Variants in PIEZO2 observed in about 807,000 individuals in gnomAD.
PIEZO2 encodes piezo-type mechanosensitive ion channel component 2.
PIEZO2 carries 172 observed loss-of-function variants against 337.3 expected under a neutral mutation model. The ratio of observed to expected loss-of-function variants is 0.51; its 90% CI spans 0.45 to 0.58. The LOEUF is 0.58. Among genes scored for constraint, PIEZO2 ranks in the 20% least tolerant of loss-of-function variants. PIEZO2 has a pLI of 0.00. For missense variants in PIEZO2, 3,028 were observed against 3,391.3 expected (o/e 0.89, Z 2.66); for synonymous variants, 1,251 against 1,228.5 (o/e 1.02, Z -0.38).
At position 11,131,353 on chromosome 18, in the gene PIEZO2, A is replaced by C. The variant is rs988668980; in HGVS notation, c.64+17172T>G. ...AGTGGCTCGAATGCCTATCATCTCC[A>C]CCCCTGCTACCCTGTCTTCTCTCCC... On this transcript the variant is annotated intron_variant, in intron 1 of 55. Coordinates refer to ENST00000674853, the MANE Select transcript of PIEZO2 (RefSeq NM_001378183.1). This position sits in a 1 kb window ranked among gnomAD's most constrained non-coding sequence, Gnocchi z 5.3. Among the ~76,000 whole-genome samples the C allele has an allele frequency of 6.6e-6, 1 of 151,756 alleles. No homozygotes were observed. The highest frequency in any genetic ancestry group is 1.5e-5 in the Non-Finnish European group (1 of 67,968).
At chr18:11,004,043 G>A (rs1049663106) in intron 2 of PIEZO2, among the ~76,000 whole-genome samples, 2 of 152,194 alleles carry the variant, frequency 1.3e-5, no homozygotes, top group African/African-American at 4.8e-5. Flanking sequence ...AGAAGGGGTA[G>A]GGAGTAAGTG....
chr18:10,867,205 A>T (rs900436262), intron 5 of PIEZO2, among the ~76,000 whole-genome samples: 8 of 152,222 alleles, frequency 5.3e-5, no homozygotes, highest in Admixed American at 4.6e-4. Flanking sequence ...AAAGCTGGAG[A>T]CTTTAGACTA....
intron 3 of PIEZO2, among the ~76,000 whole-genome samples, chr18:10,921,178 A>T (rs2031371800): frequency 6.6e-6 from 1 of 152,154 alleles, no homozygotes; most frequent in Non-Finnish European, 1.5e-5. Context: ...GAAGATGGTG[A>T]TGTGTATCAA....
chr18:10,735,619 A>T (rs896562173), intron 34 of PIEZO2, among the ~76,000 whole-genome samples: 4 of 152,216 alleles, frequency 2.6e-5, no homozygotes, highest in Non-Finnish European at 1.5e-5. Context: ...AAATGAGTTA[A>T]GTCATTAGTA....
rs1243144413 is a variant in PIEZO2, at chr18:10,767,940, C to T, written c.2946+2208G>A. Among the ~76,000 whole-genome samples, 1 of 152,216 alleles carries T rather than the reference C, an allele frequency of 6.6e-6. No individual in the cohort carries two copies. The highest frequency in any genetic ancestry group is 6.5e-5 in the Admixed American group (1 of 15,286). On this transcript the variant is annotated intron_variant, in intron 21 of 55. Transcript: ENST00000674853. This position sits in a 1 kb window ranked among gnomAD's most constrained non-coding sequence, Gnocchi z 4.2. Reference sequence around the variant, plus strand: ...TTGCCAGCCCAGAGCGTGAGGCCATCATGGGATGGCACAGGCCAAGTCACA... The same window carrying T: ...TTGCCAGCCCAGAGCGTGAGGCCATTATGGGATGGCACAGGCCAAGTCACA...
intron 4 of PIEZO2, among the ~76,000 whole-genome samples, chr18:10,880,866 T>C (rs1434492325): frequency 4.5e-4 from 22 of 48,372 alleles, no homozygotes; most frequent in African/African-American, 1.8e-3. Context: ...TATATATATA[T>C]ATATATATAT....
chr18:10,780,144 T>C (rs1338521013), intron 18 of PIEZO2, among the ~76,000 whole-genome samples, 181 bp downstream of exon 18: 6 of 152,198 alleles, frequency 3.9e-5, no homozygotes, highest in African/African-American at 1.2e-4. Flanking sequence ...CACATCCACT[T>C]GACGGCACCA....
At chr18:10,700,800 C>T (rs544373440) in intron 43 of PIEZO2, among the ~76,000 whole-genome samples, 14 of 152,228 alleles carry the variant, frequency 9.2e-5, no homozygotes, top group Non-Finnish European at 1.9e-4. Context: ...TTAACATATC[C>T]AACAGAAGAA....
In PIEZO2 at chr18:10,783,504, A is replaced by G. The variant is rs1447518579; in HGVS notation, c.2492+1280T>C. On this transcript the variant is annotated intron_variant, in intron 17 of 55. Transcript: ENST00000674853. The surrounding 1 kb of genome is among the most constrained non-coding windows in gnomAD (Gnocchi z 4.3). ...GACTGATATCTTCTAGGGTTCCCCAAACTTCTAATAACTACTTTATTTTTC... is the reference window on the plus strand; with the variant it reads ...GACTGATATCTTCTAGGGTTCCCCAGACTTCTAATAACTACTTTATTTTTC... Among the ~76,000 whole-genome samples, 6 of 152,182 alleles carry G rather than the reference A, an allele frequency of 3.9e-5. No individual in the cohort carries two copies.
At chr18:10,832,101 C>A (rs1449803281) in intron 7 of PIEZO2, among the ~76,000 whole-genome samples, 1 of 152,100 alleles carries the variant, frequency 6.6e-6, no homozygotes, top group East Asian at 1.9e-4. Flanking sequence ...AGTTCAAGAC[C>A]AGCCTGGCCA....
chr18:11,141,678 C>T (rs535944134), intron 1 of PIEZO2, among the ~76,000 whole-genome samples: 1 of 152,340 alleles, frequency 6.6e-6, no homozygotes, highest in Admixed American at 6.5e-5. Flanking sequence ...GGCTTGTTCA[C>T]TTGACCTAGA....
chr18:10,735,785 C>T (rs2036972226), intron 34 of PIEZO2, among the ~76,000 whole-genome samples: 1 of 152,138 alleles, frequency 6.6e-6, no homozygotes, highest in South Asian at 2.1e-4. Flanking sequence ...TGGGCCCCAC[C>T]CACTTGAGAA....
At position 11,032,482 on chromosome 18, in the gene PIEZO2, T is replaced by C. The variant is rs1267993041; in HGVS notation, c.160+33645A>G. ...GAGCTATTCTTGGCATGCTCTCGAG[T>C]AAGTGTAAATGTGTTAGCCAGTCTG... On this transcript the variant is annotated intron_variant, in intron 2 of 55. Coordinates refer to ENST00000674853, the MANE Select transcript of PIEZO2 (RefSeq NM_001378183.1). The surrounding 1 kb of genome is among the most constrained non-coding windows in gnomAD (Gnocchi z 4.9). 6.6e-6 allele frequency among the ~76,000 whole-genome samples: 1 copy of C among 152,160 alleles called. No homozygotes were observed. Among genetic ancestry groups the C allele is most frequent in the Non-Finnish European group, 1.5e-5 (1 of 68,024 alleles).
rs1014290520 is a variant in PIEZO2 at position 11,112,202 on chromosome 18, T to C, written c.64+36323A>G. ...TAAGTAATCCTCTAGGTATTTTGTATCTACAGGATCAGATATTCGGATATT... is the reference window on the plus strand; with the variant it reads ...TAAGTAATCCTCTAGGTATTTTGTACCTACAGGATCAGATATTCGGATATT... On this transcript the variant is annotated intron_variant, in intron 1 of 55. Transcript: ENST00000674853. This position sits in a 1 kb window ranked among gnomAD's most constrained non-coding sequence, Gnocchi z 4.3. Among the ~76,000 whole-genome samples, 1 of 152,240 alleles carries C rather than the reference T, an allele frequency of 6.6e-6. No homozygotes were observed. Among genetic ancestry groups the C allele is most frequent in the African/African-American group, 2.4e-5 (1 of 41,464 alleles).
In PIEZO2 at chr18:10,767,759, G is replaced by T. The variant is rs2038425760; in HGVS notation, c.2946+2389C>A. On this transcript the variant is annotated intron_variant, in intron 21 of 55. Coordinates refer to ENST00000674853, the MANE Select transcript of PIEZO2 (RefSeq NM_001378183.1). The surrounding 1 kb of genome is among the most constrained non-coding windows in gnomAD (Gnocchi z 4.2). ...CACCCAGAGCTGCTCCAAGGCTGCG[G>T]GGAAGGCTGTCTGGAAGGGCAGCAG... 6.6e-6 allele frequency among the ~76,000 whole-genome samples: 1 copy of T among 152,210 alleles called. No individual in the cohort carries two copies. The highest frequency in any genetic ancestry group is 6.5e-5 in the Admixed American group (1 of 15,290).
Position 11,045,079 on chromosome 18 carries a change from A to G in PIEZO2, c.160+21048T>C, listed in dbSNP as rs1201674371. Among the ~76,000 whole-genome samples the G allele has an allele frequency of 2.6e-5, 4 of 151,960 alleles. No individual in the cohort carries two copies. The East Asian group carries it at 7.8e-4, about 29-fold the overall frequency. On this transcript the variant is annotated intron_variant, in intron 2 of 55. Coordinates refer to ENST00000674853, the MANE Select transcript of PIEZO2 (RefSeq NM_001378183.1). ...GGGAGGCCAAAGTGGGCGGATCACG[A>G]GGTCAGGAGATTGAGACCATCCTGG...
intron 36 of PIEZO2, among the ~76,000 whole-genome samples, chr18:10,730,875 C>T (rs1438159107): frequency 2.6e-5 from 4 of 152,018 alleles, no homozygotes; most frequent in African/African-American, 7.2e-5. Flanking sequence ...TACAGGCGTC[C>T]GCTACCACGC....
At chr18:10,908,871 T>C (rs2030199286) in intron 4 of PIEZO2, 1 of 152,178 alleles carries the variant, frequency 6.6e-6, no homozygotes, top group African/African-American at 2.4e-5. Flanking sequence ...TGCGGGATGC[T>C]GCGTGGCTGA....
intron 2 of PIEZO2, among the ~76,000 whole-genome samples, chr18:10,983,716 C>T (rs892334634): frequency 4.6e-5 from 7 of 152,066 alleles, no homozygotes; most frequent in African/African-American, 1.7e-4. Context: ...TTCCCCAGCA[C>T]CCTGTGCCAC....
Sources: allele counts gnomAD v4.1 joint callset (sites outside exome capture counted in the v4.1 genomes callset), GRCh38; gene constraint gnomAD v4.1.1; non-coding constraint Gnocchi (gnomAD v3.1); transcripts MANE v1.5; gene names NCBI Gene and HGNC (gene_info 2026-07-23, HGNC 2026-07-21).